Variants in ST3GAL6 observed in about 807,000 individuals in gnomAD.
The protein encoded by ST3GAL6 is type 2 lactosamine alpha-2,3-sialyltransferase.
In ST3GAL6, 31 loss-of-function variants were observed where a neutral mutation model predicts 40.5. The ratio of observed to expected loss-of-function variants is 0.77; its 90% CI spans 0.58 to 1.03. The LOEUF is 1.03. Among genes scored for constraint, ST3GAL6 ranks in the 50% least tolerant of loss-of-function variants. The pLI is 0.00. For missense variants in ST3GAL6, 357 were observed against 393.2 expected (o/e 0.91, Z 0.78); for synonymous variants, 129 against 136.9 (o/e 0.94, Z 0.40).
chr3:98,754,297 G>A (rs1325454791), intron 1 of ST3GAL6, among the ~76,000 whole-genome samples: 1 of 152,206 alleles, frequency 6.6e-6, no homozygotes, highest in Non-Finnish European at 1.5e-5. Flanking sequence ...GACTTTGAGG[G>A]CTTCCAGATT....
intron 5 of ST3GAL6, 147 bp from the exon 6 acceptor site, chr3:98,784,798 G>A (rs1940526141): frequency 4.8e-6 from 3 of 618,768 alleles, no homozygotes; most frequent in East Asian, 5.4e-5. Context: ...TTTTAATACA[G>A]CTCTAGACTT....
upstream of ST3GAL6, among the ~76,000 whole-genome samples, chr3:98,761,327 G>T (rs114847299): frequency 2.6e-5 from 4 of 152,232 alleles, no homozygotes; most frequent in African/African-American, 7.2e-5. Context: ...TTACACACAG[G>T]CTGGGCATGG....
intron 1 of ST3GAL6, among the ~76,000 whole-genome samples, chr3:98,750,883 A>G (rs1936957139): frequency 1.3e-5 from 2 of 152,148 alleles, no homozygotes; most frequent in South Asian, 4.1e-4. Context: ...GGTAGCCATC[A>G]GAACCAAGTA....
intron 9 of ST3GAL6, among the ~76,000 whole-genome samples, chr3:98,793,390 T>C (rs1576142455): frequency 1.3e-5 from 2 of 152,208 alleles, no homozygotes; most frequent in South Asian, 4.1e-4. Flanking sequence ...AATTTTGGTC[T>C]CCAGATTTGT....
chr3:98,747,090 G>T (rs1200091482), intron 1 of ST3GAL6, among the ~76,000 whole-genome samples: 1 of 152,166 alleles, frequency 6.6e-6, no homozygotes, highest in African/African-American at 2.4e-5. Flanking sequence ...TAACCTTCCT[G>T]TAAGGTTGTG....
At chr3:98,791,794 A>C (rs758156724) in intron 8 of ST3GAL6, 47 bp from the exon 9 acceptor site, 1 of 1,557,242 alleles carries the variant, frequency 6.4e-7, no homozygotes, top group Non-Finnish European at 8.7e-7. Flanking sequence ...CTTTGGTAAC[A>C]AGTAGCTCCT....
rs762308127 is a variant in ST3GAL6, at chr3:98,785,018, G to T, written c.409G>T (p.Asp137Tyr). ...LKNKTLGEKI[D>Y]SYDVIIRMNN... ...GAATAAGACATTAGGAGAAAAAATC[G>T]ACTCCTATGATGTAATAATAAGGTA... The change falls in exon 6 of 10, where the codon GAC becomes TAC. Residue 137 changes from aspartate to tyrosine, a missense_variant. Transcript: ENST00000483910. The T allele has an allele frequency of 3.7e-6, 6 of 1,606,740 alleles. No homozygotes were observed. In the South Asian group the frequency reaches 5.5e-5, roughly 15 times the overall value.
upstream of ST3GAL6, chr3:98,763,264 G>A (rs1321592281): frequency 4.0e-6 from 5 of 1,255,276 alleles, no homozygotes; most frequent in Non-Finnish European, 5.2e-6. Flanking sequence ...CACAAATTGA[G>A]TAATAAGTAC....
At chr3:98,745,673 G>A (rs1936487642) in intron 1 of ST3GAL6, among the ~76,000 whole-genome samples, 1 of 152,108 alleles carries the variant, frequency 6.6e-6, no homozygotes, top group Non-Finnish European at 1.5e-5. Context: ...CCTAGTTTTG[G>A]TTTCTGGTCT....
intron 1 of ST3GAL6, among the ~76,000 whole-genome samples, chr3:98,744,509 G>A (rs1020347337): frequency 1.3e-5 from 2 of 152,184 alleles, no homozygotes; most frequent in African/African-American, 4.8e-5. Flanking sequence ...CCTGGGGGCA[G>A]ACAAGTTTCA....
chr3:98,756,458 C>A, intron 1 of ST3GAL6: 1 of 1,289,634 alleles, frequency 7.8e-7, no homozygotes, highest in Admixed American at 2.3e-5. Flanking sequence ...CGTCCTGAGT[C>A]TTTGGCAGCC....
At chr3:98,766,577 C>T (rs114118807) in intron 1 of ST3GAL6, among the ~76,000 whole-genome samples, 11,459 of 151,934 alleles carry the variant, frequency 0.075, 577 homozygotes, top group Non-Finnish European at 0.11. Flanking sequence ...CCTGCCATCA[C>T]GCCCGGCTAA....
intron 1 of ST3GAL6, among the ~76,000 whole-genome samples, chr3:98,740,058 A>G (rs1421246903): frequency 6.6e-6 from 1 of 152,158 alleles, no homozygotes. Flanking sequence ...TTAGCTAATT[A>G]TTATTCTTTT....
At chr3:98,736,180 TAGAG>T (rs1444189805) in intron 1 of ST3GAL6, among the ~76,000 whole-genome samples, 1 of 152,100 alleles carries the variant, frequency 6.6e-6, no homozygotes, top group Non-Finnish European at 1.5e-5. Context: ...ACCATTGAGA[TAGAG>T]GGAAAGGAAA....
At chr3:98,789,853 A>T (rs1483438753) in intron 8 of ST3GAL6, among the ~76,000 whole-genome samples, 2 of 152,222 alleles carry the variant, frequency 1.3e-5, no homozygotes, top group African/African-American at 4.8e-5. Flanking sequence ...GAGCATACTT[A>T]GTGATGACAT....
At chr3:98,789,440 A>G (rs1361282663) in intron 8 of ST3GAL6, among the ~76,000 whole-genome samples, 1 of 152,144 alleles carries the variant, frequency 6.6e-6, no homozygotes, top group Non-Finnish European at 1.5e-5. Flanking sequence ...ATAAACACAT[A>G]ATCTTTTTGT....
In ST3GAL6 at chr3:98,793,664, T is replaced by G. The variant is rs374929429; in HGVS notation, c.910-11T>G. 9 of 1,557,608 alleles carry G rather than the reference T, an allele frequency of 5.8e-6. No individual in the cohort carries two copies. The highest frequency in any genetic ancestry group is 7.0e-6 in the Non-Finnish European group (8 of 1,149,880). On this transcript the variant is annotated splice_polypyrimidine_tract_variant and intron_variant, in intron 9 of 9. Transcript: ENST00000483910. ...GGAAAGAATGATGGTAATTGTATTTTTCTTCTTTAGAACGCGTATCACAAT... is the reference window on the plus strand; with the variant it reads ...GGAAAGAATGATGGTAATTGTATTTGTCTTCTTTAGAACGCGTATCACAAT...
chr3:98,770,522 G>A (rs1938862643), intron 2 of ST3GAL6: 1 of 197,798 alleles, frequency 5.1e-6, no homozygotes, highest in African/African-American at 2.4e-5. Context: ...TGCCCTTGGG[G>A]TGAGTTTCGG....
chr3:98,794,902 A>AAAAT lies in ST3GAL6; in HGVS notation c.*1143_*1146dup, dbSNP rs1941487506. 6.6e-6 allele frequency: 1 copy of AAAAT among 152,192 alleles called. No homozygotes were observed. Among genetic ancestry groups the AAAAT allele is most frequent in the South Asian group, 2.1e-4 (1 of 4,828 alleles). The allele number at this position is 152,192 out of a possible 1,614,324, so 9.4% of individuals were successfully genotyped here. ...GTGACAGAGTGAGGCTGTCTTCTAA[A>AAAAT]AAATATAAAAAGTGAAGTTGGGATT... On this transcript the variant is annotated 3_prime_UTR_variant, in exon 10 of 10. Coordinates refer to ENST00000483910, the MANE Select transcript of ST3GAL6 (RefSeq NM_001323368.2).
Sources: allele counts gnomAD v4.1 joint callset (sites outside exome capture counted in the v4.1 genomes callset), GRCh38; gene constraint gnomAD v4.1.1; transcripts MANE v1.5; gene names NCBI Gene and HGNC (gene_info 2026-07-23, HGNC 2026-07-21).